The following SEMA6D variants were observed in gnomAD, a reference collection of about 807,000 sequenced individuals.
SEMA6D encodes semaphorin 6D.
In SEMA6D, 35 loss-of-function variants were observed where a neutral mutation model predicts 106.6. That is an observed-to-expected ratio of 0.33 (90% CI 0.25 to 0.44). The LOEUF (loss-of-function observed/expected upper bound fraction) is 0.44, where lower values mean the gene tolerates loss of function less well. Ranked by LOEUF, SEMA6D falls within the 20% of genes least tolerant of loss-of-function variation. The probability of loss-of-function intolerance (pLI) is 1.00; values close to 1 mark genes in which losing one functional copy is unlikely to be tolerated. For synonymous variants in SEMA6D, 499 were observed against 487.7 expected (o/e 1.02, Z -0.31); for missense variants, 1,185 against 1,345.9 (o/e 0.88, Z 1.87).
chr15:47,397,162 A>G (rs2040237876), intron 1 of SEMA6D, among the ~76,000 whole-genome samples: 1 of 152,232 alleles, frequency 6.6e-6, no homozygotes, highest in Non-Finnish European at 1.5e-5. Flanking sequence ...TCTGATTTGG[A>G]TACAGTTTAG....
Position 47,761,179 on chromosome 15 carries a change from C to A in SEMA6D, c.304C>A (p.Gln102Lys), listed in dbSNP as rs754855116. Residue 102 changes from glutamine (Q) to lysine (K), a missense_variant, in exon 5 of 19, where the codon CAA becomes AAA. Gln to Lys is a moderately conservative substitution (Grantham distance 53). Coordinates refer to ENST00000536845, the MANE Select transcript of SEMA6D (RefSeq NM_001358351.3). ...ACAGAAACTGACATGGCGATCAAGA[C>A]AACAGGATCGAGAAAACTGTGCTAT... is the stretch of plus-strand genomic sequence containing the variant. ...PNKKLTWRSR[Q>K]QDRENCAMKG... 8 of 1,613,636 alleles carry A rather than the reference C, an allele frequency of 5.0e-6. 1 individual carries two copies. In the Middle Eastern group the frequency reaches 6.6e-4, roughly 133 times the overall value.
At chr15:47,226,413 G>A (rs1318716102) in intron 1 of SEMA6D, among the ~76,000 whole-genome samples, 3 of 151,950 alleles carry the variant, frequency 2.0e-5, no homozygotes, top group Non-Finnish European at 2.9e-5. Context: ...CCATCTCCCC[G>A]TCTAAAACAT....
In SEMA6D at chr15:47,528,740, GA is replaced by G. The variant is rs113868733; in HGVS notation, c.-87+58196del. On this transcript the variant is annotated intron_variant, in intron 3 of 19. Coordinates refer to the SEMA6D transcript ENST00000558014. ...AACTAGGCCACATCCAGCTGCCAGG[GA>G]GGCTGGAAAATGTAGTTTTTATCCT... is the stretch of plus-strand genomic sequence containing the variant. Among the ~76,000 whole-genome samples the G allele has an allele frequency of 2.0e-3, 312 of 152,286 alleles. 1 individual carries two copies. Among genetic ancestry groups the G allele is most frequent in the African/African-American group, 7.3e-3 (304 of 41,562 alleles).
intron 4 of SEMA6D, among the ~76,000 whole-genome samples, chr15:47,674,201 A>T (rs1423148852): frequency 6.6e-6 from 1 of 152,222 alleles, no homozygotes; most frequent in African/African-American, 2.4e-5. Flanking sequence ...GCAACAGAAT[A>T]TTTCCAAATA....
At chr15:47,336,210 CT>C (rs1567007425) in intron 1 of SEMA6D, among the ~76,000 whole-genome samples, 1 of 152,142 alleles carries the variant, frequency 6.6e-6, no homozygotes, top group African/African-American at 2.4e-5. Flanking sequence ...GGTTGTGTCT[CT>C]TTTACCTGAT....
At chr15:47,352,250 C>A (rs889478087) in intron 1 of SEMA6D, among the ~76,000 whole-genome samples, 1 of 152,000 alleles carries the variant, frequency 6.6e-6, no homozygotes, top group Non-Finnish European at 1.5e-5. Flanking sequence ...TTATAGTGTA[C>A]CAAACAGTTG....
chr15:47,667,750 A>G (rs1274730132), intron 4 of SEMA6D, among the ~76,000 whole-genome samples: 1 of 152,084 alleles, frequency 6.6e-6, no homozygotes, highest in Non-Finnish European at 1.5e-5. Context: ...CTCACCTCCC[A>G]AAGGCCCCAC....
intron 1 of SEMA6D, among the ~76,000 whole-genome samples, chr15:47,326,602 C>T (rs574430042): frequency 4.0e-5 from 6 of 151,878 alleles, no homozygotes; most frequent in South Asian, 4.1e-4. Context: ...TGTTGCCGTG[C>T]GAACCTTGAA....
intron 3 of SEMA6D, among the ~76,000 whole-genome samples, chr15:47,542,586 T>C (rs1016181924): frequency 6.6e-6 from 1 of 152,192 alleles, no homozygotes; most frequent in Admixed American, 6.6e-5. Flanking sequence ...GAGGTTTCAG[T>C]ATTCCTACTT....
chr15:47,771,856 C>A lies in SEMA6D; in HGVS notation c.*71C>A, dbSNP rs142719329. 136 of 1,428,982 alleles carry A rather than the reference C, an allele frequency of 9.5e-5. 1 individual carries two copies. Among genetic ancestry groups the A allele is most frequent in the Middle Eastern group, 3.7e-4 (2 of 5,450 alleles). 88.5% of individuals were successfully genotyped at this position (1,428,982 alleles called of 1,614,324 possible). A position where few individuals can be genotyped will look rare whatever the true frequency, so the allele number is the denominator to read the frequency against. On this transcript the variant is annotated 3_prime_UTR_variant, in exon 19 of 19. Transcript: ENST00000536845. ...TTGAGAGGATGATGTTGTAAGGGTA[C>A]CTTAAAACAAGAGACTCGCTTGTAT...
chr15:47,724,853 T>G (rs895581517), intron 1 of SEMA6D, among the ~76,000 whole-genome samples: 2 of 152,200 alleles, frequency 1.3e-5, no homozygotes, highest in Admixed American at 1.3e-4. Context: ...TTCACTAGAT[T>G]GCTCCGTGAT....
intron 2 of SEMA6D, among the ~76,000 whole-genome samples, chr15:47,421,153 G>A (rs560158165): frequency 3.3e-5 from 5 of 152,004 alleles, no homozygotes; most frequent in Admixed American, 1.3e-4. Flanking sequence ...TGTACCATTG[G>A]TTATTTCTTT....
At chr15:47,454,797 A>G (rs2042298940) in intron 2 of SEMA6D, among the ~76,000 whole-genome samples, 1 of 151,972 alleles carries the variant, frequency 6.6e-6, no homozygotes, top group African/African-American at 2.4e-5. Flanking sequence ...TTGTAAATGA[A>G]TTATGCCTGA....
chr15:47,333,918 G>A (rs558675607), intron 1 of SEMA6D, among the ~76,000 whole-genome samples: 1 of 152,128 alleles, frequency 6.6e-6, no homozygotes, highest in Non-Finnish European at 1.5e-5. Context: ...CCTGCCGAAG[G>A]CAATCTAATC....
chr15:47,210,077 C>T (rs764913093), intron 1 of SEMA6D, among the ~76,000 whole-genome samples: 1 of 152,120 alleles, frequency 6.6e-6, no homozygotes, highest in Non-Finnish European at 1.5e-5. Flanking sequence ...GGCCTTTTAC[C>T]CAATGACCTA....
chr15:47,454,669 ATT>A (rs1285885174), intron 2 of SEMA6D, among the ~76,000 whole-genome samples: 1 of 151,896 alleles, frequency 6.6e-6, no homozygotes. Context: ...ACATACTGAC[ATT>A]ATATGATAGG....
At chr15:47,328,053 C>G (rs1241803233) in intron 1 of SEMA6D, among the ~76,000 whole-genome samples, 4 of 152,154 alleles carry the variant, frequency 2.6e-5, no homozygotes, top group Non-Finnish European at 5.9e-5. Context: ...TCCAGATGTG[C>G]TAGCTTTGAA....
chr15:47,429,678 G>A (rs938610431), intron 2 of SEMA6D, among the ~76,000 whole-genome samples: 3 of 152,120 alleles, frequency 2.0e-5, no homozygotes, highest in Non-Finnish European at 4.4e-5. Context: ...TTATTATATA[G>A]TGTGGTTAAG....
At chr15:47,562,174 A>G (rs2046100655) in intron 3 of SEMA6D, among the ~76,000 whole-genome samples, 1 of 152,086 alleles carries the variant, frequency 6.6e-6, no homozygotes, top group African/African-American at 2.4e-5. Flanking sequence ...CAACAGCAGC[A>G]CAAAAGTAAT....
Sources: allele counts gnomAD v4.1 joint callset (sites outside exome capture counted in the v4.1 genomes callset), GRCh38; gene constraint gnomAD v4.1.1; transcripts MANE v1.5; gene names NCBI Gene and HGNC (gene_info 2026-07-23, HGNC 2026-07-21).